ERC2: variants seen among roughly 807,000 people sequenced by gnomAD.
The protein encoded by ERC2 is ERC protein 2.
Under a neutral mutation model 114.8 loss-of-function variants are expected in ERC2, and 42 were observed. The observed-to-expected ratio is 0.37, with a 90% confidence interval of 0.29 to 0.47. The LOEUF is 0.47. ERC2 is among the 20% of genes least tolerant of loss of function. The probability of loss-of-function intolerance (pLI) is 0.99; values close to 1 mark genes in which losing one functional copy is unlikely to be tolerated. For missense variants in ERC2, 939 were observed against 1,150.7 expected (o/e 0.82, Z 2.66); for synonymous variants, 454 against 425.5 (o/e 1.07, Z -0.82).
At chr3:55,789,105 C>G (rs1437534734) in intron 14 of ERC2, among the ~76,000 whole-genome samples, 1 of 152,224 alleles carries the variant, frequency 6.6e-6, no homozygotes, top group Non-Finnish European at 1.5e-5. Context: ...TACAATAGTT[C>G]ATGCTCATTG....
At chr3:55,836,569 G>A (rs2060894646) in intron 14 of ERC2, among the ~76,000 whole-genome samples, 1 of 152,136 alleles carries the variant, frequency 6.6e-6, no homozygotes, top group Non-Finnish European at 1.5e-5. Context: ...AGCTGAAACT[G>A]GATCCCTTCC....
chr3:55,717,389 T>C (rs895283590), intron 15 of ERC2, among the ~76,000 whole-genome samples: 2 of 152,172 alleles, frequency 1.3e-5, no homozygotes, highest in Non-Finnish European at 2.9e-5. Context: ...CTGTTCACTA[T>C]CTCTTCTTAG....
chr3:56,106,951 C>G (rs143383355), intron 6 of ERC2, among the ~76,000 whole-genome samples: 1 of 152,146 alleles, frequency 6.6e-6, no homozygotes, highest in African/African-American at 2.4e-5. Flanking sequence ...GTGAATCAAT[C>G]AGAGGTGATC....
chr3:56,399,985 G>A (rs2060461402), intron 2 of ERC2, among the ~76,000 whole-genome samples: 1 of 151,668 alleles, frequency 6.6e-6, no homozygotes, highest in South Asian at 2.1e-4. Flanking sequence ...CCAACACAAT[G>A]TGTGGTCCTT....
intron 6 of ERC2, among the ~76,000 whole-genome samples, chr3:56,101,067 G>A (rs2078326878): frequency 6.6e-6 from 1 of 152,170 alleles, no homozygotes; most frequent in African/African-American, 2.4e-5. Context: ...AATGAAATCT[G>A]CTCTTTCTAA....
At chr3:55,653,479 G>A (rs969885382) in intron 17 of ERC2, among the ~76,000 whole-genome samples, 3 of 152,004 alleles carry the variant, frequency 2.0e-5, no homozygotes, top group East Asian at 1.9e-4. Flanking sequence ...AGATTATACC[G>A]ATGTGGAAAG....
At chr3:56,457,715 A>C (rs1024793349) in intron 1 of ERC2, among the ~76,000 whole-genome samples, 4 of 152,056 alleles carry the variant, frequency 2.6e-5, no homozygotes, top group East Asian at 1.9e-4. Flanking sequence ...TTCTACCTAC[A>C]TTTACCTCCG....
At chr3:55,662,824 T>G (rs2061194390) in intron 17 of ERC2, among the ~76,000 whole-genome samples, 1 of 152,178 alleles carries the variant, frequency 6.6e-6, no homozygotes, top group Non-Finnish European at 1.5e-5. Flanking sequence ...GCCAAACAGC[T>G]AAAATGACTA....
chr3:56,337,740 C>T (rs1347125147), intron 2 of ERC2, among the ~76,000 whole-genome samples: 1 of 152,190 alleles, frequency 6.6e-6, no homozygotes, highest in African/African-American at 2.4e-5. Flanking sequence ...AGTACTTCCA[C>T]TCCAAGATGT....
chr3:55,885,007 T>C lies in ERC2; in HGVS notation c.2564+3382A>G, dbSNP rs551900161. Among the ~76,000 whole-genome samples, 18 of 152,288 alleles carry C rather than the reference T, an allele frequency of 1.2e-4. No homozygotes were observed. The South Asian group carries it at 3.5e-3, about 30-fold the overall frequency. ...AACCAGAGAGTGATGTTTAATGTTA[T>C]GGGGTGAGACAGAAATTAGTTATGA... On this transcript the variant is annotated intron_variant, in intron 14 of 17. Transcript: ENST00000288221.
chr3:56,123,267 G>C (rs2079682985), intron 6 of ERC2, among the ~76,000 whole-genome samples: 1 of 152,072 alleles, frequency 6.6e-6, no homozygotes, highest in South Asian at 2.1e-4. Context: ...CATGAGAGTG[G>C]AGCCCTCATG....
chr3:55,552,603 G>A (rs899069076), intron 17 of ERC2, among the ~76,000 whole-genome samples: 5 of 151,206 alleles, frequency 3.3e-5, no homozygotes, highest in East Asian at 1.9e-4. Flanking sequence ...AAACAGCCGG[G>A]TGTAACTAAC....
intron 14 of ERC2, among the ~76,000 whole-genome samples, chr3:55,755,499 T>C (rs1559603610): frequency 6.6e-6 from 1 of 152,178 alleles, no homozygotes; most frequent in Non-Finnish European, 1.5e-5. Flanking sequence ...TAAGCTCAAG[T>C]ATAAAGTAGA....
chr3:56,411,243 T>C (rs1013797193), intron 2 of ERC2, among the ~76,000 whole-genome samples: 1 of 151,438 alleles, frequency 6.6e-6, no homozygotes, highest in African/African-American at 2.4e-5. Context: ...TCATAAAAAT[T>C]ATCTGTAAAT....
rs1013696618 is a variant in ERC2, at chr3:55,663,694, G to A, written c.*39+20100C>T. ...TTCAAGGCCCTCAACATTAAACTTT[G>A]CATTGTTTTTAGCTCTTTAAAAAAA... is the stretch of plus-strand genomic sequence containing the variant. On this transcript the variant is annotated intron_variant, in intron 17 of 17. Transcript: ENST00000288221. 3.9e-5 allele frequency among the ~76,000 whole-genome samples: 6 copies of A among 152,104 alleles called. No individual in the cohort carries two copies. The South Asian group carries it at 6.2e-4, about 16-fold the overall frequency.
intron 12 of ERC2, among the ~76,000 whole-genome samples, chr3:55,951,162 G>A (rs2149445182): frequency 6.6e-6 from 1 of 152,290 alleles, no homozygotes; most frequent in Admixed American, 6.5e-5. Flanking sequence ...GGTAGGCAGG[G>A]CCCAGGCTCA....
chr3:55,691,720 G>GA (rs934392734), intron 16 of ERC2, among the ~76,000 whole-genome samples: 1 of 151,206 alleles, frequency 6.6e-6, no homozygotes, highest in Admixed American at 6.6e-5. Flanking sequence ...AAGATTCCTG[G>GA]TTTTTTGTAT....
intron 14 of ERC2, among the ~76,000 whole-genome samples, chr3:55,826,048 A>G (rs564199258): frequency 3.9e-4 from 57 of 147,930 alleles, no homozygotes; most frequent in African/African-American, 1.3e-3. Flanking sequence ...GAAGGGAGGA[A>G]GGGAGGGAGG....
chr3:56,434,224 A>T (rs1278442220), intron 2 of ERC2, 127 bp downstream of exon 2: 1 of 757,318 alleles, frequency 1.3e-6, no homozygotes, highest in Non-Finnish European at 2.1e-6. Flanking sequence ...AGTCAAACAC[A>T]TACTAAGCCA....
Sources: gnomAD v4.1 joint callset for allele counts (sites outside exome capture counted in the v4.1 genomes callset) on GRCh38, gnomAD v4.1.1 for gene constraint, MANE v1.5 for transcripts, NCBI Gene and HGNC (gene_info 2026-07-23, HGNC 2026-07-21) for gene names.